Variants in CHL1 observed in about 807,000 individuals in gnomAD.
CHL1 encodes the protein neural cell adhesion molecule L1-like protein.
Under a neutral mutation model 141.9 loss-of-function variants are expected in CHL1, and 96 were observed. The ratio of observed to expected loss-of-function variants is 0.68; its 90% CI spans 0.57 to 0.80. The LOEUF (loss-of-function observed/expected upper bound fraction) is 0.80, where lower values mean the gene tolerates loss of function less well. Ranked by LOEUF, CHL1 falls within the 30% of genes least tolerant of loss-of-function variation. CHL1 has a pLI of 0.00. For synonymous variants in CHL1, 613 were observed against 502.2 expected, an observed-to-expected ratio of 1.22 and a Z score of -2.95; for missense variants, 1,820 against 1,457.2, an observed-to-expected ratio of 1.25 and a Z score of -4.05.
intron 2 of CHL1, among the ~76,000 whole-genome samples, chr3:255,379 A>G (rs1427304695): frequency 6.6e-6 from 1 of 152,192 alleles, no homozygotes; most frequent in Non-Finnish European, 1.5e-5. Flanking sequence ...TTAAGTGATT[A>G]TGATTTCTAT....
At chr3:296,880 A>G (rs898172814) in intron 2 of CHL1, among the ~76,000 whole-genome samples, 3 of 152,186 alleles carry the variant, frequency 2.0e-5, no homozygotes, top group Non-Finnish European at 1.5e-5. Flanking sequence ...ATATCAGCAA[A>G]CTACATAGTG....
chr3:391,937 T>A, intron 23 of CHL1, 140 bp downstream of exon 23: 1 of 643,146 alleles, frequency 1.6e-6, no homozygotes, highest in Non-Finnish European at 2.4e-6. Flanking sequence ...CCCAGGGGTC[T>A]GTAAACTGGC....
intron 1 of CHL1, among the ~76,000 whole-genome samples, chr3:241,395 T>G (rs912249312): frequency 6.6e-6 from 1 of 152,176 alleles, no homozygotes; most frequent in Non-Finnish European, 1.5e-5. Context: ...CTTTGAAATA[T>G]TAGATAACTT....
At chr3:310,189 G>A (rs1699639018) in intron 2 of CHL1, among the ~76,000 whole-genome samples, 1 of 152,142 alleles carries the variant, frequency 6.6e-6, no homozygotes, top group African/African-American at 2.4e-5. Flanking sequence ...TAGCACTTTG[G>A]GAGGTCGAGG....
intron 15 of CHL1, among the ~76,000 whole-genome samples, chr3:368,868 T>G (rs1705242865): frequency 6.6e-6 from 1 of 152,198 alleles, no homozygotes; most frequent in African/African-American, 2.4e-5. Flanking sequence ...CCCCAGCGCT[T>G]CGATTTGTCA....
chr3:341,933 A>G lies in CHL1; in HGVS notation c.530A>G (p.Asp177Gly), dbSNP rs1702374692. 1 of 1,610,154 alleles carries G rather than the reference A, an allele frequency of 6.2e-7. No individual in the cohort carries two copies. The highest frequency in any genetic ancestry group is 2.2e-5 in the East Asian group (1 of 44,778). ...TCAGAATTAGAACACATCGAACAAG[A>G]TGAAAGAGTATACATGAGCCAAAAG... ...MNIELEHIEQ[D>G]ERVYMSQKGD... Residue 177 changes from aspartate to glycine, a missense_variant, in exon 7 of 28, where the codon GAT (aspartate) becomes GGT (glycine). Physicochemically the swap from Asp to Gly is moderately conservative, Grantham distance 94. Coordinates refer to ENST00000256509, the MANE Select transcript of CHL1 (RefSeq NM_006614.4).
chr3:328,243 T>C lies in CHL1; in HGVS notation c.274T>C (p.Phe92Leu). The C allele has an allele frequency of 6.2e-7, 1 of 1,613,126 alleles. No individual in the cohort carries two copies. Among genetic ancestry groups the C allele is most frequent in the Non-Finnish European group, 8.5e-7 (1 of 1,179,322 alleles). ...RIIPSNNSGT[F>L]RIPNEGHISH... Reference sequence around the variant, plus strand: ...AATTCCATCGAACAATTCAGGAACATTCAGGATCCCAAACGAGGGGCACAT... The same window carrying C: ...AATTCCATCGAACAATTCAGGAACACTCAGGATCCCAAACGAGGGGCACAT... Residue 92 changes from phenylalanine to leucine, a missense_variant, in exon 5 of 28, where the codon TTC becomes CTC. Physicochemically the swap from Phe to Leu is conservative, Grantham distance 22. Transcript: ENST00000256509.
chr3:324,946 A>G (rs1559256509), intron 3 of CHL1, among the ~76,000 whole-genome samples: 1 of 151,994 alleles, frequency 6.6e-6, no homozygotes, highest in African/African-American at 2.4e-5. Context: ...AAACACTAAC[A>G]GAGTTTGTCA....
intron 1 of CHL1, among the ~76,000 whole-genome samples, chr3:242,953 G>A (rs758747599): frequency 1.3e-5 from 2 of 152,206 alleles, no homozygotes; most frequent in Admixed American, 6.5e-5. Flanking sequence ...GTCCTTGACA[G>A]TGGTAAGAAG....
At chr3:257,353 C>CTTTTTTTTTTTTTTTTTTT (rs35247275) in intron 2 of CHL1, among the ~76,000 whole-genome samples, 1 of 137,166 alleles carries the variant, frequency 7.3e-6, no homozygotes. Context: ...TTTTCTTCTT[C>CTTTTTTTTTTTTTTTTTTT]TTTTTTTTTT....
At chr3:244,889 A>G (rs1693014690) in intron 2 of CHL1, among the ~76,000 whole-genome samples, 197 bp downstream of exon 2, 1 of 152,162 alleles carries the variant, frequency 6.6e-6, no homozygotes, top group Non-Finnish European at 1.5e-5. Context: ...GTTCCATTAA[A>G]TTGCTGGTTT....
chr3:252,131 C>T lies in CHL1; in HGVS notation c.-95+7439C>T, dbSNP rs190498108. On this transcript the variant is annotated intron_variant, in intron 2 of 27. Transcript: ENST00000256509. ...ATAATCTTTTGAAGATTCTTGTGGCCAAAGTAAAATTTTATTACATTTCTA... is the reference window on the plus strand; with the variant it reads ...ATAATCTTTTGAAGATTCTTGTGGCTAAAGTAAAATTTTATTACATTTCTA... 5.9e-5 allele frequency among the ~76,000 whole-genome samples: 9 copies of T among 151,416 alleles called. No individual in the cohort carries two copies. The East Asian group carries it at 1.7e-3, about 29-fold the overall frequency.
chr3:260,010 A>G (rs1263232346), intron 2 of CHL1, among the ~76,000 whole-genome samples: 1 of 152,198 alleles, frequency 6.6e-6, no homozygotes, highest in Admixed American at 6.5e-5. Context: ...CATGCTTGCA[A>G]TCCCAGCACT....
intron 25 of CHL1, 87 bp from the exon 26 acceptor site, chr3:398,930 A>T (rs1708895439): frequency 7.7e-7 from 1 of 1,301,058 alleles, no homozygotes; most frequent in Non-Finnish European, 1.1e-6. Flanking sequence ...TGGTATGTTT[A>T]AAAATGATGT....
intron 2 of CHL1, among the ~76,000 whole-genome samples, chr3:260,922 T>A (rs1326755203): frequency 6.6e-6 from 1 of 152,212 alleles, no homozygotes; most frequent in Admixed American, 6.5e-5. Context: ...TGTCAGAAAT[T>A]AGCCTGGTTT....
At position 221,218 on chromosome 3, in the gene CHL1, G is replaced by A. The variant is rs144939027; in HGVS notation, c.-174-23395G>A. Reference sequence around the variant, plus strand: ...GCTGTAGCCCGACCACCTTGGGCACGTGTTCTCAGGATCTCCTGAAGCTGT... The same window carrying A: ...GCTGTAGCCCGACCACCTTGGGCACATGTTCTCAGGATCTCCTGAAGCTGT... On this transcript the variant is annotated intron_variant, in intron 1 of 27. Transcript: ENST00000256509. Among the ~76,000 whole-genome samples, 976 of 152,312 alleles carry A rather than the reference G, an allele frequency of 6.4e-3. 11 individuals are homozygous for A. The highest frequency in any genetic ancestry group is 0.023 in the African/African-American group (939 of 41,578).
intron 11 of CHL1, among the ~76,000 whole-genome samples, chr3:356,655 A>T (rs1323742197): frequency 6.6e-6 from 1 of 152,092 alleles, no homozygotes; most frequent in Non-Finnish European, 1.5e-5. Flanking sequence ...TTGAGTGGAG[A>T]TGGGAAGGAA....
intron 3 of CHL1, among the ~76,000 whole-genome samples, chr3:320,534 A>G (rs1437046109): frequency 2.0e-5 from 3 of 152,024 alleles, no homozygotes; most frequent in Non-Finnish European, 2.9e-5. Flanking sequence ...AAAATAGATC[A>G]GCATCAGCAG....
rs137976061 is a variant in CHL1 at position 391,058 on chromosome 3, C to T, written c.2690C>T (p.Ser897Phe). 5.3e-5 allele frequency: 85 copies of T among 1,613,614 alleles called. No homozygotes were observed. Among genetic ancestry groups the T allele is most frequent in the Non-Finnish European group, 6.9e-5 (81 of 1,179,658 alleles). ...CAAAGAAACTCTGGAATGGTTCCTT[C>T]CTTAGATGCCTTTAGTGAATTTCAT... Reference protein sequence around the residue: ...SGQRNSGMVPSLDAFSEFHLT... With the variant: ...SGQRNSGMVPFLDAFSEFHLT... Residue 897 changes from serine to phenylalanine, a missense_variant, in exon 22 of 28, where the codon TCC becomes TTC. By Grantham distance (155) the Ser-to-Phe change is radical. Coordinates refer to ENST00000256509, the MANE Select transcript of CHL1 (RefSeq NM_006614.4).
Sources: allele counts gnomAD v4.1 joint callset (sites outside exome capture counted in the v4.1 genomes callset), GRCh38; gene constraint gnomAD v4.1.1; transcripts MANE v1.5; gene names NCBI Gene and HGNC (gene_info 2026-07-23, HGNC 2026-07-21).